Variants in SHANK2 observed in about 807,000 individuals in gnomAD.
The protein encoded by SHANK2 is SH3 and multiple ankyrin repeat domains protein 2.
Under a neutral mutation model 133.7 loss-of-function variants are expected in SHANK2, and 43 were observed. The ratio of observed to expected loss-of-function variants is 0.32; its 90% CI spans 0.25 to 0.41. SHANK2 has a LOEUF of 0.41. Ranked by LOEUF, SHANK2 falls within the 10% of genes least tolerant of loss-of-function variation. The pLI, the probability that SHANK2 is intolerant of heterozygous loss-of-function variation, is 1.00. For synonymous variants in SHANK2, 1,017 were observed against 952.8 expected, an observed-to-expected ratio of 1.07 and a Z score of -1.24; for missense variants, 1,994 against 2,235.8, an observed-to-expected ratio of 0.89 and a Z score of 2.18.
chr11:71,128,683 C>G (rs74870973), intron 3 of SHANK2, among the ~76,000 whole-genome samples: 1 of 152,202 alleles, frequency 6.6e-6, no homozygotes, highest in Non-Finnish European at 1.5e-5. Context: ...TCCCGTCCCT[C>G]CTACTCCTCC....
At chr11:71,179,466 G>A (rs894899304) in intron 2 of SHANK2, among the ~76,000 whole-genome samples, 1 of 152,210 alleles carries the variant, frequency 6.6e-6, no homozygotes, top group African/African-American at 2.4e-5. Context: ...TTCTCAGCCT[G>A]AGAAAAGGCA....
intron 17 of SHANK2, among the ~76,000 whole-genome samples, chr11:70,547,775 T>C (rs782250591): frequency 2.0e-5 from 3 of 152,228 alleles, no homozygotes; most frequent in Non-Finnish European, 4.4e-5. Context: ...CGTAATTGTC[T>C]TCCAAGTGCA....
At chr11:70,705,734 G>C (rs1273847422) in intron 14 of SHANK2, 1 of 152,210 alleles carries the variant, frequency 6.6e-6, no homozygotes, top group African/African-American at 2.4e-5. Flanking sequence ...GCTGGGATCA[G>C]TGCATCATAT....
At position 70,666,191 on chromosome 11, in the gene SHANK2, C is replaced by T. The variant is rs367691588; in HGVS notation, c.1854-4513G>A. On this transcript the variant is annotated intron_variant, in intron 15 of 25. Transcript: ENST00000601538. Reference sequence around the variant, plus strand: ...TAGACTCAGTGCTGCAGAGGACCTACGGCATGCACCTGGCTTGGCCCAGGA... The same window carrying T: ...TAGACTCAGTGCTGCAGAGGACCTATGGCATGCACCTGGCTTGGCCCAGGA... 8.5e-4 allele frequency among the ~76,000 whole-genome samples: 130 copies of T among 152,306 alleles called. 3 individuals are homozygous for T. The South Asian group carries it at 0.019, about 22-fold the overall frequency.
At chr11:71,155,432 G>A (rs1380892497) in intron 2 of SHANK2, among the ~76,000 whole-genome samples, 14 of 109,700 alleles carry the variant, frequency 1.3e-4, no homozygotes, top group South Asian at 3.5e-4. Context: ...ACCTACCCCC[G>A]CCCACGCTCC....
chr11:70,541,335 G>T (rs914591443), intron 17 of SHANK2, among the ~76,000 whole-genome samples: 1 of 152,220 alleles, frequency 6.6e-6, no homozygotes, highest in African/African-American at 2.4e-5. Context: ...AGCCTGGCGG[G>T]AACAGTAGGA....
chr11:71,128,958 T>C (rs574192834), intron 3 of SHANK2, among the ~76,000 whole-genome samples: 1 of 152,334 alleles, frequency 6.6e-6, no homozygotes, highest in Admixed American at 6.5e-5. Context: ...CTAATTTTTG[T>C]ATTTTTAGTA....
chr11:71,156,374 T>C (rs1952907013), intron 2 of SHANK2, among the ~76,000 whole-genome samples: 1 of 152,238 alleles, frequency 6.6e-6, no homozygotes, highest in African/African-American at 2.4e-5. Context: ...CCTGCTGGCA[T>C]CTCTGGATGA....
At chr11:71,185,923 C>G (rs1953661225) in intron 2 of SHANK2, among the ~76,000 whole-genome samples, 1 of 152,186 alleles carries the variant, frequency 6.6e-6, no homozygotes, top group African/African-American at 2.4e-5. Context: ...GGGACATTAA[C>G]AGTCTTGCCT....
intron 17 of SHANK2, among the ~76,000 whole-genome samples, chr11:70,563,539 C>CTTTTT (rs35931621): frequency 1.5e-5 from 2 of 135,424 alleles, no homozygotes; most frequent in African/African-American, 5.5e-5. Context: ...TCTGTGGTCA[C>CTTTTT]TTTTTTTTTT....
intron 17 of SHANK2, among the ~76,000 whole-genome samples, chr11:70,538,983 G>A (rs1565110558): frequency 1.3e-5 from 2 of 152,374 alleles, no homozygotes. Flanking sequence ...GCCGCCACAA[G>A]CCTGGCACCC....
At chr11:71,137,840 C>T (rs782209635) in intron 3 of SHANK2, among the ~76,000 whole-genome samples, 3 of 152,234 alleles carry the variant, frequency 2.0e-5, no homozygotes, top group Non-Finnish European at 4.4e-5. Context: ...TCCTAGAAGA[C>T]ACCCAGCTCT....
intron 17 of SHANK2, among the ~76,000 whole-genome samples, chr11:70,585,840 AC>A (rs2060242965): frequency 4.2e-5 from 1 of 23,932 alleles, no homozygotes; most frequent in Non-Finnish European, 8.8e-5. Flanking sequence ...CCACCCACCC[AC>A]CCACCCATGC....
At chr11:70,847,144 C>A (rs377002991) in intron 11 of SHANK2, among the ~76,000 whole-genome samples, 3 of 152,126 alleles carry the variant, frequency 2.0e-5, no homozygotes, top group African/African-American at 4.8e-5. Context: ...GACTGTGCTG[C>A]GACCCACACC....
intron 2 of SHANK2, among the ~76,000 whole-genome samples, chr11:71,176,588 T>C (rs1555113140): frequency 6.6e-6 from 1 of 152,158 alleles, no homozygotes; most frequent in East Asian, 1.9e-4. Flanking sequence ...ATAGAATTAA[T>C]GGCAAATTAC....
chr11:70,647,066 A>G (rs2061274036), intron 17 of SHANK2, among the ~76,000 whole-genome samples: 4 of 151,944 alleles, frequency 2.6e-5, no homozygotes, highest in African/African-American at 7.3e-5. Context: ...GGGTTTCACC[A>G]CGTTGGCCAG....
intron 9 of SHANK2, among the ~76,000 whole-genome samples, chr11:71,073,493 G>GT (rs1951177168): frequency 1.3e-5 from 2 of 151,776 alleles, no homozygotes; most frequent in African/African-American, 4.8e-5. Context: ...TGGAGACAGG[G>GT]TTTTGCTCTG....
At chr11:71,247,512 C>CA (rs1178941807) in intron 1 of SHANK2, among the ~76,000 whole-genome samples, 227 of 122,914 alleles carry the variant, frequency 1.8e-3, no homozygotes, top group South Asian at 4.9e-3. Context: ...CAGGGACAGA[C>CA]AAAAAAAAAA....
chr11:70,615,316 C>T (rs781794274), intron 17 of SHANK2, among the ~76,000 whole-genome samples: 34 of 152,104 alleles, frequency 2.2e-4, no homozygotes, highest in Non-Finnish European at 3.8e-4. Flanking sequence ...TGGCCTTGGA[C>T]GAGCCCAGTT....
Sources: allele counts gnomAD v4.1 joint callset (sites outside exome capture counted in the v4.1 genomes callset), GRCh38; gene constraint gnomAD v4.1.1; transcripts MANE v1.5; gene names NCBI Gene and HGNC (gene_info 2026-07-23, HGNC 2026-07-21).